Variants in SMARCC1 observed in about 807,000 individuals in gnomAD.
SMARCC1 encodes the protein SWI/SNF complex subunit SMARCC1.
In SMARCC1, 43 loss-of-function variants were observed where a neutral mutation model predicts 147.4. That is an observed-to-expected ratio of 0.29 (90% CI 0.23 to 0.38). SMARCC1 has a LOEUF of 0.38. SMARCC1 is among the 10% of genes least tolerant of loss of function. The pLI, the probability that SMARCC1 is intolerant of heterozygous loss-of-function variation, is 1.00. For missense variants in SMARCC1, 1,119 were observed against 1,381.1 expected (o/e 0.81, Z 3.01); for synonymous variants, 495 against 484.4 (o/e 1.02, Z -0.29).
intron 21 of SMARCC1, among the ~76,000 whole-genome samples, chr3:47,652,928 G>C (rs1332595016): frequency 6.6e-6 from 1 of 150,626 alleles, no homozygotes; most frequent in South Asian, 2.1e-4. Flanking sequence ...GGTGTTTTGA[G>C]TGTTCATCCA....
chr3:47,684,023 C>A (rs1054709756), intron 14 of SMARCC1, among the ~76,000 whole-genome samples: 5 of 152,092 alleles, frequency 3.3e-5, no homozygotes, highest in African/African-American at 1.2e-4. Context: ...GAGGCCGAGG[C>A]GGGCGGATCA....
chr3:47,610,384 T>C (rs2032546559), intron 25 of SMARCC1, 57 bp from the exon 26 acceptor site: 2 of 1,594,914 alleles, frequency 1.3e-6, no homozygotes, highest in Non-Finnish European at 1.7e-6. Context: ...CAGGATTGGA[T>C]AACACAAAGG....
At chr3:47,702,870 T>C (rs1270340498) in intron 10 of SMARCC1, among the ~76,000 whole-genome samples, 1 of 152,220 alleles carries the variant, frequency 6.6e-6, no homozygotes, top group African/African-American at 2.4e-5. Flanking sequence ...AGTGCTGGGA[T>C]TGCAGGCAAG....
intron 3 of SMARCC1, among the ~76,000 whole-genome samples, chr3:47,744,164 C>A (rs1559660631): frequency 6.6e-6 from 1 of 151,270 alleles, no homozygotes; most frequent in African/African-American, 2.4e-5. Flanking sequence ...TAGTCAATAT[C>A]TTTTTTTTTG....
intron 26 of SMARCC1, among the ~76,000 whole-genome samples, chr3:47,597,047 C>A (rs371463005): frequency 6.6e-4 from 100 of 151,134 alleles, no homozygotes; most frequent in African/African-American, 2.3e-3. Flanking sequence ...CGTGGTGGCA[C>A]GCACCTGTAA....
chr3:47,621,915 A>C (rs1010057136), intron 25 of SMARCC1, among the ~76,000 whole-genome samples: 8 of 152,184 alleles, frequency 5.3e-5, no homozygotes, highest in African/African-American at 1.7e-4. Flanking sequence ...AATAACTCTA[A>C]GATCTAAGTT....
At chr3:47,655,127 T>G (rs1240659850) in intron 21 of SMARCC1, among the ~76,000 whole-genome samples, 1 of 152,232 alleles carries the variant, frequency 6.6e-6, no homozygotes. Flanking sequence ...CTCACTGATA[T>G]CCACTTGAAC....
rs184362616 is a variant in SMARCC1 at position 47,706,448 on chromosome 3, G to A, written c.1001C>T (p.Pro334Leu). The A allele has an allele frequency of 3.8e-5, 60 of 1,578,950 alleles. No individual in the cohort carries two copies. The highest frequency in any genetic ancestry group is 2.6e-4 in the East Asian group (11 of 41,664). The change falls in exon 10 of 28, where the codon CCG becomes CTG. Residue 334 changes from proline to leucine, a missense_variant. Pro to Leu is a moderately conservative substitution (Grantham distance 98, BLOSUM62 -3). Transcript: ENST00000254480. ...CTTCTTCCGTGATTCTGTTGGTGTCGGAGGGGGAGGCGAAGGCGAATGTTT... is the reference window on the plus strand; with the variant it reads ...CTTCTTCCGTGATTCTGTTGGTGTCAGAGGGGGAGGCGAAGGCGAATGTTT... ...KRKHSPSPPP[P>L]TPTESRKKSG... is the part of the protein sequence containing the mutation.
intron 14 of SMARCC1, among the ~76,000 whole-genome samples, chr3:47,680,967 A>C (rs1206884409): frequency 6.6e-6 from 1 of 152,256 alleles, no homozygotes; most frequent in East Asian, 1.9e-4. Flanking sequence ...TATTAACAGC[A>C]TACAAAAAAG....
intron 27 of SMARCC1, among the ~76,000 whole-genome samples, chr3:47,588,801 T>C (rs2032125390): frequency 7.0e-6 from 1 of 143,406 alleles, no homozygotes; most frequent in Non-Finnish European, 1.5e-5. Context: ...GCCAGAGAGC[T>C]TCACTTGAGG....
intron 2 of SMARCC1, among the ~76,000 whole-genome samples, chr3:47,759,893 T>C (rs2106860221): frequency 6.6e-6 from 1 of 151,880 alleles, no homozygotes; most frequent in East Asian, 1.9e-4. Flanking sequence ...GCTGAGATCA[T>C]GCCATTGCAC....
chr3:47,703,214 A>T (rs538175413), intron 10 of SMARCC1, among the ~76,000 whole-genome samples: 2 of 152,294 alleles, frequency 1.3e-5, no homozygotes, highest in South Asian at 4.1e-4. Flanking sequence ...GATTACAGGC[A>T]TGGGCCATCA....
At chr3:47,591,608 C>A (rs2032183896) in intron 26 of SMARCC1, among the ~76,000 whole-genome samples, 1 of 151,596 alleles carries the variant, frequency 6.6e-6, no homozygotes, top group South Asian at 2.1e-4. Flanking sequence ...AGTGGCATGA[C>A]CTTAGCTCAT....
intron 26 of SMARCC1, among the ~76,000 whole-genome samples, chr3:47,606,783 T>C (rs1454598355): frequency 3.3e-5 from 5 of 152,098 alleles, no homozygotes; most frequent in Admixed American, 2.0e-4. Flanking sequence ...CACAGCTCAC[T>C]TGCAATCTCA....
chr3:47,701,702 T>C, intron 10 of SMARCC1: 1 of 303,064 alleles, frequency 3.3e-6, no homozygotes. Context: ...TAATCCCATC[T>C]GCTCAGCAGA....
At chr3:47,770,501 A>G (rs2034900223) in intron 2 of SMARCC1, among the ~76,000 whole-genome samples, 1 of 148,834 alleles carries the variant, frequency 6.7e-6, no homozygotes, top group South Asian at 2.1e-4. Flanking sequence ...CAGGTGCCTG[A>G]ATTCCCAGCT....
At chr3:47,707,701 T>C (rs565625104) in intron 9 of SMARCC1, among the ~76,000 whole-genome samples, 3 of 152,210 alleles carry the variant, frequency 2.0e-5, no homozygotes, top group Admixed American at 1.3e-4. Context: ...TAGTAAGACC[T>C]TGTCTCTACA....
intron 21 of SMARCC1, among the ~76,000 whole-genome samples, chr3:47,652,087 G>A (rs1217111034): frequency 6.6e-6 from 1 of 152,174 alleles, no homozygotes; most frequent in Non-Finnish European, 1.5e-5. Flanking sequence ...CTCTCACCTT[G>A]TCTTCCTGAG....
chr3:47,648,955 C>T (rs1297181293), intron 21 of SMARCC1, among the ~76,000 whole-genome samples: 2 of 152,136 alleles, frequency 1.3e-5, no homozygotes, highest in Non-Finnish European at 1.5e-5. Context: ...TATTTTGTAA[C>T]AAAAGCCAAT....
Sources: gnomAD v4.1 joint callset for allele counts (sites outside exome capture counted in the v4.1 genomes callset) on GRCh38, gnomAD v4.1.1 for gene constraint, MANE v1.5 for transcripts, NCBI Gene and HGNC (gene_info 2026-07-23, HGNC 2026-07-21) for gene names.